The following ZMYND19 variants were observed in gnomAD, a reference collection of about 807,000 sequenced individuals.
The protein encoded by ZMYND19 is zinc finger MYND domain-containing protein 19.
Under a neutral mutation model 32.0 loss-of-function variants are expected in ZMYND19, and 17 were observed. The ratio of observed to expected loss-of-function variants is 0.53; its 90% CI spans 0.36 to 0.80. The LOEUF (loss-of-function observed/expected upper bound fraction) is 0.80, where lower values mean the gene tolerates loss of function less well. Among genes scored for constraint, ZMYND19 ranks in the 30% least tolerant of loss-of-function variants. The pLI is 0.00. For synonymous variants in ZMYND19, 124 were observed against 113.6 expected (o/e 1.09, Z -0.58); for missense variants, 250 against 293.6 (o/e 0.85, Z 1.09).
intron 1 of ZMYND19, chr9:137,589,967 G>C (rs1043875658): frequency 3.0e-6 from 3 of 985,136 alleles, no homozygotes; most frequent in East Asian, 2.3e-4. Flanking sequence ...CTCCACCTCC[G>C]GCAGGGCAGG....
Position 137,582,139 on chromosome 9 carries a change from C to T in ZMYND19, c.*404G>A, listed in dbSNP as rs760564346. 2.4e-5 allele frequency: 4 copies of T among 167,218 alleles called. No homozygotes were observed. The highest frequency in any genetic ancestry group is 6.0e-5 in the Admixed American group (1 of 16,612). 10.4% of individuals were successfully genotyped at this position (167,218 alleles called of 1,614,324 possible). ...CAACTCCCGTGCAGGCCGCGCTCCACGGGGCTCCCGGCGGCCCAGGGGAGA... is the reference window on the plus strand; with the variant it reads ...CAACTCCCGTGCAGGCCGCGCTCCATGGGGCTCCCGGCGGCCCAGGGGAGA... On this transcript the variant is annotated 3_prime_UTR_variant, in exon 6 of 6. Transcript: ENST00000298585.
chr9:137,589,607 G>T (rs1304357382), intron 1 of ZMYND19: 1 of 985,342 alleles, frequency 1.0e-6, no homozygotes, highest in Admixed American at 6.1e-5. Flanking sequence ...AGTAAGAAGA[G>T]AAGTCGAGGA....
Position 137,587,227 on chromosome 9 carries a change from G to C in ZMYND19, c.219-120C>G, listed in dbSNP as rs960953300. 18 of 1,482,566 alleles carry C rather than the reference G, an allele frequency of 1.2e-5. No homozygotes were observed. In the Admixed American group the frequency reaches 3.6e-4, roughly 30 times the overall value. 91.8% of individuals were successfully genotyped at this position (1,482,566 alleles called of 1,614,324 possible). On this transcript the variant is annotated intron_variant, in intron 3 of 5. Transcript: ENST00000298585. ...GAAATGTCAGCCATGTGATCTGATC[G>C]GGCCCCTGGTCCTTTGGATGAGGGT...
Position 137,589,037 on chromosome 9 carries a change from C to T in ZMYND19, c.52-319G>A, listed in dbSNP as rs1842239480. ...ACTGAACATTCAACGCACCAATAAA[C>T]CTAGGCAAAGACTGTTTCACTGAGC... is the stretch of plus-strand genomic sequence containing the variant. On this transcript the variant is annotated intron_variant, in intron 1 of 5. Transcript: ENST00000298585. 5 of 318,706 alleles carry T rather than the reference C, an allele frequency of 1.6e-5. No homozygotes were observed. In the Admixed American group the frequency reaches 1.8e-4, roughly 11 times the overall value. The allele number at this position is 318,706 out of a possible 1,614,324, so 19.7% of individuals were successfully genotyped here.
chr9:137,589,587 G>C, intron 1 of ZMYND19: 4 of 985,448 alleles, frequency 4.1e-6, no homozygotes, highest in Non-Finnish European at 4.8e-6. Context: ...AACGTGGAGC[G>C]TGGGGGCCAA....
rs1842154496 is a variant in ZMYND19 at position 137,582,219 on chromosome 9, G to A, written c.*324C>T. The A allele has an allele frequency of 8.4e-6, 2 of 238,856 alleles. No individual in the cohort carries two copies. The highest frequency in any genetic ancestry group is 1.9e-4 in the South Asian group (2 of 10,562). The allele number at this position is 238,856 out of a possible 1,614,324, so 14.8% of individuals were successfully genotyped here. ...CGTGGCCTGACCGTTTGCCATTTAA[G>A]GATTACAGCAAATGATTCTATTTGT... is the stretch of plus-strand genomic sequence containing the variant. On this transcript the variant is annotated 3_prime_UTR_variant, in exon 6 of 6. Transcript: ENST00000298585.
Position 137,587,104 on chromosome 9 carries a change from C to G in ZMYND19, c.222G>C (p.Glu74Asp). 6.2e-7 allele frequency: 1 copy of G among 1,604,174 alleles called. No individual in the cohort carries two copies. The highest frequency in any genetic ancestry group is 8.5e-7 in the Non-Finnish European group (1 of 1,179,942). ...SGRLLHELLW[E>D]RHRGGVAPGF... is the part of the protein sequence containing the mutation. ...CCGGGGCCACGCCCCCCCGGTGCCG[C>G]TCCCTAGAAACAGACAGCAAACCCT... The change falls in exon 4 of 6, where the codon GAG (glutamate) becomes GAC (aspartate). Residue 74 changes from glutamate to aspartate, a missense_variant. Physicochemically the swap from Glu to Asp is conservative, Grantham distance 45 (BLOSUM62 2). Coordinates refer to ENST00000298585, the MANE Select transcript of ZMYND19 (RefSeq NM_138462.3).
At chr9:137,589,055 C>T in intron 1 of ZMYND19, 1 of 275,674 alleles carries the variant, frequency 3.6e-6, no homozygotes, top group Non-Finnish European at 6.9e-6. Flanking sequence ...AAGACTGTTT[C>T]ACTGAGCTGA....
chr9:137,586,893 G>A (rs1018733492), intron 4 of ZMYND19, 74 bp downstream of exon 4: 33 of 1,586,156 alleles, frequency 2.1e-5, no homozygotes, highest in Non-Finnish European at 2.7e-5. Context: ...GACCCTCTTG[G>A]AAACAAGAGC....
At position 137,590,461 on chromosome 9, in the gene ZMYND19, G is replaced by GCGC. The variant is rs905828783; in HGVS notation, c.-201_-199dup. ...GCCTCGCGCCCGCCGGACCTGCCAC[G>GCGC]CGCCGCCGCCGCCGCCGCCACCGCC... On this transcript the variant is annotated 5_prime_UTR_variant, in exon 1 of 6. Coordinates refer to ENST00000298585, the MANE Select transcript of ZMYND19 (RefSeq NM_138462.3). This position sits in a 1 kb window ranked among gnomAD's most constrained non-coding sequence, Gnocchi z 4.2. 6.5e-3 allele frequency: 1,146 copies of GCGC among 176,436 alleles called. 11 individuals carry two copies. Among genetic ancestry groups the GCGC allele is most frequent in the African/African-American group, 0.024 (1,007 of 41,222 alleles). The allele number at this position is 176,436 out of a possible 1,614,324, so 10.9% of individuals were successfully genotyped here.
In ZMYND19 at chr9:137,582,845, C is replaced by T. The variant is rs1040205826; in HGVS notation, c.540+138G>A. 8 of 1,504,814 alleles carry T rather than the reference C, an allele frequency of 5.3e-6. No homozygotes were observed. The African/African-American group carries it at 9.7e-5, about 18-fold the overall frequency. 93.2% of individuals were successfully genotyped at this position (1,504,814 alleles called of 1,614,324 possible). ...AGGCCAGCACAAGGGCAAAGGGAGACCACTCTGGTGGAAAAGCCCAAGAGG... is the reference window on the plus strand; with the variant it reads ...AGGCCAGCACAAGGGCAAAGGGAGATCACTCTGGTGGAAAAGCCCAAGAGG... On this transcript the variant is annotated intron_variant, in intron 5 of 5. Coordinates refer to ENST00000298585, the MANE Select transcript of ZMYND19 (RefSeq NM_138462.3).
intron 2 of ZMYND19, 35 bp from the exon 3 acceptor site, chr9:137,587,858 C>A (rs2133302290): frequency 6.3e-7 from 1 of 1,594,974 alleles, no homozygotes; most frequent in East Asian, 2.2e-5. Flanking sequence ...TGTTAAAAAA[C>A]CTCCAATTCT....
At chr9:137,584,238 G>A (rs183407962) in intron 4 of ZMYND19, among the ~76,000 whole-genome samples, 46 of 152,376 alleles carry the variant, frequency 3.0e-4, no homozygotes, top group Non-Finnish European at 6.3e-4. Context: ...AGATGGCTGA[G>A]CCTGATCAGT....
rs753493397 is a variant in ZMYND19, at chr9:137,587,678, C to G, written c.218+39G>C. The stretch of plus-strand genomic sequence containing the variant: ...TGTGCCATCGGAGCTCACCCAGGAG[C>G]CCAGTGGCGGGGGGCAGAGACAGCT... On this transcript the variant is annotated intron_variant, in intron 3 of 5. Coordinates refer to ENST00000298585, the MANE Select transcript of ZMYND19 (RefSeq NM_138462.3). The G allele has an allele frequency of 5.0e-6, 8 of 1,591,154 alleles. No individual in the cohort carries two copies. The East Asian group carries it at 1.8e-4, about 36-fold the overall frequency.
At position 137,590,435 on chromosome 9, in the gene ZMYND19, C is replaced by G; in HGVS notation, c.-172G>C. 1 of 234,830 alleles carries G rather than the reference C, an allele frequency of 4.3e-6. No homozygotes were observed. The highest frequency in any genetic ancestry group is 6.8e-6 in the Non-Finnish European group (1 of 146,344). The allele number at this position is 234,830 out of a possible 1,614,324, so 14.5% of individuals were successfully genotyped here. ...TGGGCCGGGCTCGGGCCTCCGCCGCCGCCTCGCGCCCGCCGGACCTGCCAC... is the reference window on the plus strand; with the variant it reads ...TGGGCCGGGCTCGGGCCTCCGCCGCGGCCTCGCGCCCGCCGGACCTGCCAC... On this transcript the variant is annotated 5_prime_UTR_variant, in exon 1 of 6. Transcript: ENST00000298585. The surrounding 1 kb of genome is among the most constrained non-coding windows in gnomAD (Gnocchi z 4.2).
intron 1 of ZMYND19, chr9:137,589,244 G>T: frequency 1.3e-6 from 1 of 742,700 alleles, no homozygotes; most frequent in Non-Finnish European, 1.6e-6. Flanking sequence ...TCTGGTCTCC[G>T]ACCTGACTGG....
chr9:137,582,480 T>C lies in ZMYND19; in HGVS notation c.*63A>G. 2 of 1,553,084 alleles carry C rather than the reference T, an allele frequency of 1.3e-6. No homozygotes were observed. Among genetic ancestry groups the C allele is most frequent in the African/African-American group, 1.4e-5 (1 of 73,398 alleles). ...TGGCACCTCCAGGTTCAACCACCAG[T>C]CTGTCTCTGCTGTGCCCAGGGTAGA... is the stretch of plus-strand genomic sequence containing the variant. On this transcript the variant is annotated 3_prime_UTR_variant, in exon 6 of 6. Coordinates refer to ENST00000298585, the MANE Select transcript of ZMYND19 (RefSeq NM_138462.3).
chr9:137,589,649 C>G (rs1284123895), intron 1 of ZMYND19: 5 of 985,376 alleles, frequency 5.1e-6, no homozygotes, highest in South Asian at 4.7e-5. Flanking sequence ...AGGGCCCAGG[C>G]TTCTTCCTCT....
At chr9:137,589,704 A>G in intron 1 of ZMYND19, 1 of 985,488 alleles carries the variant, frequency 1.0e-6, no homozygotes, top group Admixed American at 6.1e-5. Flanking sequence ...AACCCCTGGC[A>G]GCGTTAAAAC....
Sources: gnomAD v4.1 joint callset for allele counts (sites outside exome capture counted in the v4.1 genomes callset) on GRCh38, gnomAD v4.1.1 for gene constraint, Gnocchi (gnomAD v3.1) non-coding constraint, MANE v1.5 for transcripts, NCBI Gene and HGNC (gene_info 2026-07-23, HGNC 2026-07-21) for gene names.